The following CFAP20DC variants were observed in gnomAD, a reference collection of about 807,000 sequenced individuals.
CFAP20DC encodes protein CFAP20DC.
CFAP20DC carries 84 observed loss-of-function variants against 101.7 expected under a neutral mutation model. The ratio of observed to expected loss-of-function variants is 0.83; its 90% CI spans 0.69 to 0.99. The LOEUF (loss-of-function observed/expected upper bound fraction) is 0.99, where lower values mean the gene tolerates loss of function less well. Among genes scored for constraint, CFAP20DC ranks in the 50% least tolerant of loss-of-function variants. CFAP20DC has a pLI of 0.00. For synonymous variants in CFAP20DC, 359 were observed against 351.2 expected (o/e 1.02, Z -0.25); for missense variants, 1,007 against 970.3 (o/e 1.04, Z -0.50).
At chr3:58,974,497 T>C (rs925045296) in intron 4 of CFAP20DC, among the ~76,000 whole-genome samples, 5 of 152,134 alleles carry the variant, frequency 3.3e-5, no homozygotes, top group African/African-American at 1.2e-4. Context: ...TACCACATTG[T>C]AGGATGAGTG....
intron 16 of CFAP20DC, among the ~76,000 whole-genome samples, chr3:58,751,101 T>C (rs564194730): frequency 6.6e-6 from 1 of 152,292 alleles, no homozygotes; most frequent in East Asian, 1.9e-4. Flanking sequence ...TTATTCCTTC[T>C]CTTCTCCTTT....
rs867044577 is a variant in CFAP20DC at position 58,779,671 on chromosome 3, A to G, written c.2238-25808T>C. Among the ~76,000 whole-genome samples the G allele has an allele frequency of 5.9e-5, 9 of 152,214 alleles. No homozygotes were observed. The South Asian group carries it at 1.0e-3, about 17-fold the overall frequency. On this transcript the variant is annotated intron_variant, in intron 15 of 16. Coordinates refer to ENST00000482387, the MANE Select transcript of CFAP20DC (RefSeq NM_001394063.1). ...ATGACCCAGTCTGACAAAAATAAAA[A>G]AGAATAAAAAAGAAGGAGCAAAACA...
intron 16 of CFAP20DC, among the ~76,000 whole-genome samples, chr3:58,746,757 C>A (rs1171912372): frequency 6.6e-6 from 1 of 152,078 alleles, no homozygotes; most frequent in African/African-American, 2.4e-5. Context: ...CCAACAATGA[C>A]ATTCATACAA....
chr3:58,949,514 T>G (rs1267966015), intron 4 of CFAP20DC, among the ~76,000 whole-genome samples: 1 of 152,192 alleles, frequency 6.6e-6, no homozygotes, highest in Non-Finnish European at 1.5e-5. Flanking sequence ...AAAGAACATC[T>G]TTATTTCTGC....
intron 16 of CFAP20DC, among the ~76,000 whole-genome samples, chr3:58,745,660 A>G (rs2068142330): frequency 6.6e-6 from 1 of 152,194 alleles, no homozygotes. Flanking sequence ...AATGATAGTT[A>G]CTATTAGGGA....
At chr3:58,970,888 A>G (rs892929662) in intron 4 of CFAP20DC, among the ~76,000 whole-genome samples, 1 of 152,150 alleles carries the variant, frequency 6.6e-6, no homozygotes, top group Non-Finnish European at 1.5e-5. Flanking sequence ...CTTTAAGATC[A>G]TCTATTTTCA....
chr3:59,037,346 C>T (rs1034669194), intron 4 of CFAP20DC, among the ~76,000 whole-genome samples: 1 of 151,896 alleles, frequency 6.6e-6, no homozygotes, highest in Non-Finnish European at 1.5e-5. Context: ...GAACAGGCAA[C>T]CTACAGAATG....
intron 5 of CFAP20DC, among the ~76,000 whole-genome samples, chr3:58,934,683 T>C (rs1022670041): frequency 6.6e-6 from 1 of 152,102 alleles, no homozygotes; most frequent in Non-Finnish European, 1.5e-5. Context: ...ACATGATTAT[T>C]TCAATAGATG....
Position 58,957,352 on chromosome 3 carries a change from C to T in CFAP20DC, c.279-19590G>A, listed in dbSNP as rs1016552424. Among the ~76,000 whole-genome samples the T allele has an allele frequency of 3.4e-4, 52 of 152,146 alleles. 1 individual carries two copies. On this transcript the variant is annotated intron_variant, in intron 4 of 16. Transcript: ENST00000482387. ...TTTATATCCAAAAGATAGGCAATAACAAATGCTATCAAGGATGTGGAGAAA... is the reference window on the plus strand; with the variant it reads ...TTTATATCCAAAAGATAGGCAATAATAAATGCTATCAAGGATGTGGAGAAA...
intron 11 of CFAP20DC, 112 bp downstream of exon 11, chr3:58,866,454 C>A (rs1452937797): frequency 1.2e-6 from 1 of 820,370 alleles, no homozygotes; most frequent in Non-Finnish European, 1.9e-6. Context: ...CAAACTTACA[C>A]ATTTTAGCAA....
At chr3:58,896,222 G>T (rs1257752371) in intron 6 of CFAP20DC, among the ~76,000 whole-genome samples, 1 of 152,180 alleles carries the variant, frequency 6.6e-6, no homozygotes, top group Non-Finnish European at 1.5e-5. Context: ...TTGCAATTTT[G>T]TGGGGTCAGT....
chr3:58,974,492 C>T (rs994092029), intron 4 of CFAP20DC, among the ~76,000 whole-genome samples: 2 of 152,054 alleles, frequency 1.3e-5, no homozygotes, highest in African/African-American at 4.8e-5. Context: ...ATATGTACCA[C>T]ATTGTAGGAT....
intron 5 of CFAP20DC, among the ~76,000 whole-genome samples, chr3:58,920,367 T>A (rs368634249): frequency 6.6e-6 from 1 of 152,170 alleles, no homozygotes; most frequent in East Asian, 1.9e-4. Flanking sequence ...GTGTTGGGAA[T>A]ACAGGCATGA....
In CFAP20DC at chr3:58,861,860, T is replaced by TG. The variant is rs2079280326; in HGVS notation, c.1593+1697dup. On this transcript the variant is annotated intron_variant, in intron 12 of 16. Transcript: ENST00000482387. This position sits in a 1 kb window ranked among gnomAD's most constrained non-coding sequence, Gnocchi z 4.0. ...CCAGATAGCCCTGCCAGTGAAAGCT[T>TG]GGGTAATGCATGATAAATTTGTTTT... is the stretch of plus-strand genomic sequence containing the variant. The TG allele has an allele frequency of 5.1e-6, 5 of 985,316 alleles. No individual in the cohort carries two copies. The South Asian group carries it at 2.3e-4, about 46-fold the overall frequency. The allele number at this position is 985,316 out of a possible 1,614,324, so 61.0% of individuals were successfully genotyped here. A position where few individuals can be genotyped will look rare whatever the true frequency, so the allele number is the denominator to read the frequency against.
chr3:58,744,568 G>T (rs768505320), intron 16 of CFAP20DC, among the ~76,000 whole-genome samples: 1 of 152,136 alleles, frequency 6.6e-6, no homozygotes, highest in Non-Finnish European at 1.5e-5. Flanking sequence ...CCCTGGGGGA[G>T]GGCAGAGGCA....
intron 3 of CFAP20DC, among the ~76,000 whole-genome samples, chr3:58,734,317 A>G (rs1413391995): frequency 6.6e-6 from 1 of 152,214 alleles, no homozygotes; most frequent in Non-Finnish European, 1.5e-5. Context: ...GCAGTGTGAG[A>G]ATGCACTAAC....
chr3:58,952,804 C>G (rs926055175), intron 4 of CFAP20DC, among the ~76,000 whole-genome samples: 1 of 151,982 alleles, frequency 6.6e-6, no homozygotes, highest in Non-Finnish European at 1.5e-5. Flanking sequence ...GAGCTAGGTT[C>G]AGGGGTTTAT....
chr3:58,724,849 T>C lies in CFAP20DC; in HGVS notation c.198-7221A>G, dbSNP rs1299966370. 2.6e-5 allele frequency among the ~76,000 whole-genome samples: 4 copies of C among 152,010 alleles called. No individual in the cohort carries two copies. Among genetic ancestry groups the C allele is most frequent in the Non-Finnish European group, 2.9e-5 (2 of 67,972 alleles). On this transcript the variant is annotated intron_variant, in intron 3 of 3. Transcript: ENST00000486145. This position sits in a 1 kb window ranked among gnomAD's most constrained non-coding sequence, Gnocchi z 5.6. Reference sequence around the variant, plus strand: ...AGGCTGGTCCCCAACACAGCAGCAGTTGGGATCTGGAAGTCAGCCCCAGGA... The same window carrying C: ...AGGCTGGTCCCCAACACAGCAGCAGCTGGGATCTGGAAGTCAGCCCCAGGA...
chr3:58,925,599 T>C (rs2085869425), intron 5 of CFAP20DC, among the ~76,000 whole-genome samples: 3 of 152,222 alleles, frequency 2.0e-5, no homozygotes, highest in Admixed American at 1.3e-4. Context: ...TTCATGTCAA[T>C]AGAAAATAGT....
Sources: allele counts gnomAD v4.1 joint callset (sites outside exome capture counted in the v4.1 genomes callset), GRCh38; gene constraint gnomAD v4.1.1; non-coding constraint Gnocchi (gnomAD v3.1); transcripts MANE v1.5; gene names NCBI Gene and HGNC (gene_info 2026-07-23, HGNC 2026-07-21).